The following JARID2 variants were observed in gnomAD, a reference collection of about 807,000 sequenced individuals.
The protein encoded by JARID2 is jumonji and AT-rich interaction domain containing 2.
In JARID2, 21 loss-of-function variants were observed where a neutral mutation model predicts 125.6. The observed-to-expected ratio is 0.17, with a 90% CI of 0.12 to 0.24. The LOEUF (loss-of-function observed/expected upper bound fraction) is 0.24, where lower values mean the gene tolerates loss of function less well. Ranked by LOEUF, JARID2 falls within the 10% of genes least tolerant of loss-of-function variation. The pLI, the probability that JARID2 is intolerant of heterozygous loss-of-function variation, is 1.00. For synonymous variants in JARID2, 736 were observed against 661.6 expected, an observed-to-expected ratio of 1.11 and a Z score of -1.73; for missense variants, 1,303 against 1,639.6, an observed-to-expected ratio of 0.79 and a Z score of 3.55.
At chr6:15,483,966 T>G (rs954519054) in intron 5 of JARID2, among the ~76,000 whole-genome samples, 2 of 152,338 alleles carry the variant, frequency 1.3e-5, no homozygotes, top group South Asian at 4.1e-4. Flanking sequence ...TGTATCTCAT[T>G]ATGGTTTTGA....
intron 3 of JARID2, among the ~76,000 whole-genome samples, chr6:15,431,752 A>AT (rs1255535472): frequency 1.3e-5 from 2 of 152,270 alleles, no homozygotes; most frequent in African/African-American, 4.8e-5. Context: ...GACCCCATAG[A>AT]TTTTTTTCCA....
chr6:15,360,586 C>G (rs1379859775), intron 1 of JARID2, among the ~76,000 whole-genome samples: 1 of 152,100 alleles, frequency 6.6e-6, no homozygotes, highest in African/African-American at 2.4e-5. Flanking sequence ...TGTGTTCAAG[C>G]GATCTTCTCA....
At chr6:15,278,801 G>A (rs1760639415) in intron 1 of JARID2, among the ~76,000 whole-genome samples, 1 of 151,338 alleles carries the variant, frequency 6.6e-6, no homozygotes, top group Admixed American at 6.6e-5. Context: ...GGGCATGGTG[G>A]CCCACACGTG....
intron 4 of JARID2, among the ~76,000 whole-genome samples, chr6:15,458,137 G>A (rs546240814): frequency 6.6e-6 from 1 of 152,334 alleles, no homozygotes; most frequent in Non-Finnish European, 1.5e-5. Flanking sequence ...TACCATCGCC[G>A]TATTCCCTGT....
At chr6:15,509,410 C>T in intron 12 of JARID2, 1 of 967,162 alleles carries the variant, frequency 1.0e-6, no homozygotes, top group East Asian at 1.1e-4. Context: ...CGGCTGCAGC[C>T]TCCTCATTTT....
intron 3 of JARID2, among the ~76,000 whole-genome samples, chr6:15,415,237 A>G (rs1766090289): frequency 6.6e-6 from 1 of 152,176 alleles, no homozygotes; most frequent in South Asian, 2.1e-4. Flanking sequence ...CATGGCAACC[A>G]TCCGATCTCT....
intron 12 of JARID2, among the ~76,000 whole-genome samples, chr6:15,510,000 A>C (rs73369516): frequency 2.6e-5 from 4 of 152,198 alleles, no homozygotes; most frequent in African/African-American, 9.7e-5. Context: ...TAACATGAGC[A>C]TTAAAAAAAA....
chr6:15,380,709 A>T (rs573569315), intron 2 of JARID2, among the ~76,000 whole-genome samples: 4 of 152,178 alleles, frequency 2.6e-5, no homozygotes, highest in Non-Finnish European at 5.9e-5. Flanking sequence ...TATAATTTTG[A>T]ACTCCTTTCA....
intron 3 of JARID2, among the ~76,000 whole-genome samples, chr6:15,426,926 T>C (rs1470106815): frequency 6.6e-6 from 1 of 152,184 alleles, no homozygotes; most frequent in African/African-American, 2.4e-5. Context: ...CTGGCCTGAG[T>C]AATGGGGGGT....
intron 16 of JARID2, 61 bp from the exon 17 acceptor site, chr6:15,517,100 A>T: frequency 7.8e-7 from 1 of 1,289,464 alleles, no homozygotes; most frequent in South Asian, 1.2e-5. Flanking sequence ...CTCCTACCTT[A>T]CCCTCCCAGG....
intron 3 of JARID2, among the ~76,000 whole-genome samples, chr6:15,415,409 C>T (rs963475241): frequency 6.6e-6 from 1 of 151,758 alleles, no homozygotes; most frequent in African/African-American, 2.4e-5. Flanking sequence ...AGGCGCCCCT[C>T]ACCTCCCAGA....
chr6:15,246,941 C>T (rs949164584), intron 1 of JARID2, among the ~76,000 whole-genome samples: 6 of 152,192 alleles, frequency 3.9e-5, no homozygotes, highest in Admixed American at 2.6e-4. Flanking sequence ...ACTTTGCATG[C>T]AAATGAGCCT....
intron 4 of JARID2, among the ~76,000 whole-genome samples, chr6:15,465,653 A>G (rs966451050): frequency 6.6e-6 from 1 of 151,162 alleles, no homozygotes; most frequent in Non-Finnish European, 1.5e-5. Context: ...TTGAGTTTTT[A>G]AAAAAATCCT....
intron 1 of JARID2, among the ~76,000 whole-genome samples, chr6:15,286,702 T>C (rs960336792): frequency 1.3e-5 from 2 of 151,368 alleles, no homozygotes; most frequent in Non-Finnish European, 2.9e-5. Context: ...CTAATAAAAA[T>C]ACAAAAAAAA....
At chr6:15,519,746 C>G (rs1357669210) in intron 17 of JARID2, among the ~76,000 whole-genome samples, 1 of 152,124 alleles carries the variant, frequency 6.6e-6, no homozygotes, top group Non-Finnish European at 1.5e-5. Flanking sequence ...TAACAAAGCC[C>G]CTGGGTCTCT....
intron 5 of JARID2, among the ~76,000 whole-genome samples, chr6:15,469,586 A>T (rs1273780427): frequency 6.7e-6 from 1 of 150,088 alleles, no homozygotes; most frequent in African/African-American, 2.5e-5. Context: ...GCCCCCACGT[A>T]TTACAGACAT....
intron 1 of JARID2, among the ~76,000 whole-genome samples, chr6:15,356,686 T>A (rs759665436): frequency 2.6e-5 from 4 of 152,214 alleles, no homozygotes; most frequent in Non-Finnish European, 5.9e-5. Flanking sequence ...GTTTTCATTA[T>A]CTCATATTTT....
At chr6:15,470,636 A>G (rs1356092997) in intron 5 of JARID2, among the ~76,000 whole-genome samples, 2 of 152,116 alleles carry the variant, frequency 1.3e-5, no homozygotes, top group Admixed American at 6.5e-5. Context: ...CTTGTGGTTT[A>G]ATTGGGGAGA....
At chr6:15,254,210 T>C (rs1170775084) in intron 1 of JARID2, among the ~76,000 whole-genome samples, 1 of 152,220 alleles carries the variant, frequency 6.6e-6, no homozygotes, top group Non-Finnish European at 1.5e-5. Context: ...CCGTGTCCCT[T>C]GGGACTGGAT....
Sources: allele counts gnomAD v4.1 joint callset (sites outside exome capture counted in the v4.1 genomes callset), GRCh38; gene constraint gnomAD v4.1.1; transcripts MANE v1.5; gene names NCBI Gene and HGNC (gene_info 2026-07-23, HGNC 2026-07-21).